TRIM9: variants seen among roughly 807,000 people sequenced by gnomAD.
TRIM9 encodes the protein tripartite motif containing 9, also known as E3 ubiquitin-protein ligase TRIM9.
TRIM9 carries 26 observed loss-of-function variants against 78.3 expected under a neutral mutation model. The ratio of observed to expected loss-of-function variants is 0.33; its 90% CI spans 0.24 to 0.46. The LOEUF is 0.46. Among genes scored for constraint, TRIM9 ranks in the 20% least tolerant of loss-of-function variants. The probability of loss-of-function intolerance (pLI) is 1.00; values close to 1 mark genes in which losing one functional copy is unlikely to be tolerated. For missense variants in TRIM9, 787 were observed against 1,036.4 expected (o/e 0.76, Z 3.30); for synonymous variants, 398 against 416.5 (o/e 0.96, Z 0.54).
chr14:51,071,594 G>C (rs2062272943), intron 1 of TRIM9, among the ~76,000 whole-genome samples: 1 of 151,980 alleles, frequency 6.6e-6, no homozygotes, highest in Non-Finnish European at 1.5e-5. Flanking sequence ...CTTGAGCTCA[G>C]GAGTTCAGGG....
intron 1 of TRIM9, among the ~76,000 whole-genome samples, chr14:51,063,276 C>A (rs1406826480): frequency 6.6e-6 from 1 of 151,878 alleles, no homozygotes; most frequent in Non-Finnish European, 1.5e-5. Context: ...CGGAAGGCAT[C>A]AATAATAATT....
chr14:51,006,962 G>A (rs1189585983), intron 5 of TRIM9, among the ~76,000 whole-genome samples: 1 of 152,118 alleles, frequency 6.6e-6, no homozygotes, highest in African/African-American at 2.4e-5. Flanking sequence ...CCCAGTGAAG[G>A]GCCTGTTCAC....
chr14:50,984,548 C>G (rs11157785), intron 8 of TRIM9, among the ~76,000 whole-genome samples: 92,685 of 152,038 alleles, frequency 0.61, 30,143 homozygotes, highest in South Asian at 0.74. Flanking sequence ...AGCATAGTGA[C>G]TATGGAATAC....
intron 1 of TRIM9, among the ~76,000 whole-genome samples, 194 bp from the exon 2 acceptor site, chr14:51,025,554 G>A (rs975149398): frequency 1.3e-5 from 2 of 152,172 alleles, no homozygotes; most frequent in Non-Finnish European, 2.9e-5. Context: ...CTCCTTGGAA[G>A]CAGTGAACAC....
In TRIM9 at chr14:50,979,682, T is replaced by A. The variant is rs536717219; in HGVS notation, c.2163-133A>T. The stretch of plus-strand genomic sequence containing the variant: ...TACCCCAAAACCGTTTCCCTAATCA[T>A]CCCTTGCACATAAATTTTAATACCG... On this transcript the variant is annotated intron_variant, in intron 11 of 12. Transcript: ENST00000684578. 1.6e-5 allele frequency: 12 copies of A among 740,098 alleles called. No homozygotes were observed. The African/African-American group carries it at 2.1e-4, about 13-fold the overall frequency. 45.8% of individuals were successfully genotyped at this position (740,098 alleles called of 1,614,324 possible).
intron 3 of TRIM9, among the ~76,000 whole-genome samples, chr14:51,016,438 A>G (rs1455967151): frequency 6.6e-6 from 1 of 151,896 alleles, no homozygotes; most frequent in African/African-American, 2.4e-5. Context: ...CTGAGGTGGA[A>G]CAGTTTCATC....
intron 1 of TRIM9, among the ~76,000 whole-genome samples, chr14:51,037,160 T>C (rs2059222063): frequency 6.6e-6 from 1 of 152,206 alleles, no homozygotes; most frequent in East Asian, 1.9e-4. Flanking sequence ...ACTTACTAGT[T>C]ACTATCTCTT....
intron 5 of TRIM9, among the ~76,000 whole-genome samples, chr14:51,006,440 T>C (rs1454241663): frequency 6.6e-6 from 1 of 152,184 alleles, no homozygotes; most frequent in African/African-American, 2.4e-5. Flanking sequence ...CAGAGGCCAA[T>C]AGAAGTCTGA....
In TRIM9 at chr14:51,073,933, G is replaced by C. The variant is rs543035810; in HGVS notation, c.822+20185C>G. The stretch of plus-strand genomic sequence containing the variant: ...TGACAACAAGCAGTGGTATGCTGGG[G>C]CTGGCTTGTACTGACTTCCAAACAT... On this transcript the variant is annotated intron_variant, in intron 1 of 12. Coordinates refer to ENST00000684578, the MANE Select transcript of TRIM9 (RefSeq NM_001387360.1). 3.3e-5 allele frequency among the ~76,000 whole-genome samples: 5 copies of C among 152,272 alleles called. No homozygotes were observed. In the South Asian group the frequency reaches 1.0e-3, roughly 32 times the overall value.
chr14:51,025,184 A>C, intron 2 of TRIM9, 81 bp downstream of exon 2: 1 of 1,260,260 alleles, frequency 7.9e-7, no homozygotes, highest in Non-Finnish European at 1.1e-6. Context: ...ACATAAAAAT[A>C]AAAGAGGAGA....
chr14:51,056,569 T>C (rs2140124283), intron 1 of TRIM9, among the ~76,000 whole-genome samples: 1 of 152,336 alleles, frequency 6.6e-6, no homozygotes, highest in East Asian at 1.9e-4. Flanking sequence ...ACTTCACATG[T>C]GCACAGTGAG....
chr14:51,088,810 T>A (rs2064026368), intron 1 of TRIM9: 1 of 152,168 alleles, frequency 6.6e-6, no homozygotes, highest in Non-Finnish European at 1.5e-5. Flanking sequence ...ACCGCCCCTC[T>A]ATTTGTATTT....
Position 51,013,065 on chromosome 14 carries a change from G to T in TRIM9, c.1042-2571C>A, listed in dbSNP as rs2056759599. Among the ~76,000 whole-genome samples the T allele has an allele frequency of 3.9e-5, 6 of 152,134 alleles. No individual in the cohort carries two copies. The South Asian group carries it at 1.2e-3, about 32-fold the overall frequency. On this transcript the variant is annotated intron_variant, in intron 3 of 12. Coordinates refer to ENST00000684578, the MANE Select transcript of TRIM9 (RefSeq NM_001387360.1). ...ACCTATATTTTCTTTTGTTTCCTTT[G>T]CTTTTGGTGTCATATCTGAGAAATC...
chr14:51,070,348 T>C (rs1170502313), intron 1 of TRIM9, among the ~76,000 whole-genome samples: 2 of 152,300 alleles, frequency 1.3e-5, no homozygotes, highest in East Asian at 1.9e-4. Context: ...CATTGATTGG[T>C]TGACAAAAAT....
chr14:51,068,760 G>A (rs12888385), intron 1 of TRIM9, among the ~76,000 whole-genome samples: 6,539 of 152,308 alleles, frequency 0.043, 169 homozygotes, highest in Middle Eastern at 0.1. Context: ...GCCAGCCCAT[G>A]TTGCAGAACC....
intron 1 of TRIM9, among the ~76,000 whole-genome samples, chr14:51,087,067 G>A (rs2063826020): frequency 6.6e-6 from 1 of 152,114 alleles, no homozygotes; most frequent in Non-Finnish European, 1.5e-5. Context: ...CTGGTAGGTG[G>A]GGTAGCAGCA....
At chr14:51,085,730 T>C (rs893816109) in intron 1 of TRIM9, among the ~76,000 whole-genome samples, 1 of 152,244 alleles carries the variant, frequency 6.6e-6, no homozygotes, top group East Asian at 1.9e-4. Context: ...AATCTACTTA[T>C]TAGTTTATGG....
intron 11 of TRIM9, 44 bp from the exon 12 acceptor site, chr14:50,979,593 C>T: frequency 6.6e-7 from 1 of 1,515,730 alleles, no homozygotes; most frequent in Non-Finnish European, 9.1e-7. Flanking sequence ...CTTGTGGTCA[C>T]TCTAGAAGCT....
At chr14:51,092,353 G>T (rs139023897) in intron 1 of TRIM9, among the ~76,000 whole-genome samples, 6 of 152,262 alleles carry the variant, frequency 3.9e-5, no homozygotes, top group Non-Finnish European at 8.8e-5. Context: ...ACATTCAACC[G>T]GGTTAAGGAG....
Sources: allele counts gnomAD v4.1 joint callset (sites outside exome capture counted in the v4.1 genomes callset), GRCh38; gene constraint gnomAD v4.1.1; transcripts MANE v1.5; gene names NCBI Gene and HGNC (gene_info 2026-07-23, HGNC 2026-07-21).